The following SLIT3 variants were observed in gnomAD, a reference collection of about 807,000 sequenced individuals.
The protein encoded by SLIT3 is slit homolog 3 protein.
SLIT3 carries 68 observed loss-of-function variants against 184.0 expected under a neutral mutation model. That is an observed-to-expected ratio of 0.37 (90% CI 0.30 to 0.45). The LOEUF (loss-of-function observed/expected upper bound fraction) is 0.45, where lower values mean the gene tolerates loss of function less well. SLIT3 is among the 20% of genes least tolerant of loss of function. The pLI, the probability that SLIT3 is intolerant of heterozygous loss-of-function variation, is 1.00. For missense variants in SLIT3, 1,707 were observed against 2,026.0 expected, an observed-to-expected ratio of 0.84 and a Z score of 3.02; for synonymous variants, 831 against 828.6, an observed-to-expected ratio of 1.00 and a Z score of -0.05.
At chr5:168,893,750 A>G (rs1469185485) in intron 4 of SLIT3, among the ~76,000 whole-genome samples, 1 of 152,142 alleles carries the variant, frequency 6.6e-6, no homozygotes, top group Non-Finnish European at 1.5e-5. Context: ...GGGAACGTTT[A>G]TGAAATTGTT....
At chr5:168,884,566 A>ATATATATATATAT (rs1760113287) in intron 4 of SLIT3, among the ~76,000 whole-genome samples, 1 of 122,064 alleles carries the variant, frequency 8.2e-6, no homozygotes, top group Admixed American at 8.4e-5. Context: ...ATATATATAT[A>ATATATATATATAT]TATATATATA....
intron 32 of SLIT3, among the ~76,000 whole-genome samples, chr5:168,682,861 A>G (rs1188617681): frequency 6.6e-6 from 1 of 152,088 alleles, no homozygotes; most frequent in East Asian, 1.9e-4. Flanking sequence ...CTCTCCTTCT[A>G]CTGGTAGTTT....
intron 23 of SLIT3, among the ~76,000 whole-genome samples, chr5:168,715,602 A>G (rs1762698896): frequency 6.6e-6 from 1 of 152,244 alleles, no homozygotes; most frequent in Non-Finnish European, 1.5e-5. Flanking sequence ...TGTGTCTTAA[A>G]TAGAGAAAGA....
At chr5:168,954,269 C>T (rs948681151) in intron 4 of SLIT3, among the ~76,000 whole-genome samples, 11 of 151,976 alleles carry the variant, frequency 7.2e-5, no homozygotes, top group African/African-American at 1.9e-4. Flanking sequence ...GAGGGGAGCA[C>T]AGATAATGGA....
At chr5:169,130,867 G>T (rs1761271578) in intron 4 of SLIT3, among the ~76,000 whole-genome samples, 1 of 152,132 alleles carries the variant, frequency 6.6e-6, no homozygotes, top group Non-Finnish European at 1.5e-5. Flanking sequence ...AATGAAAAAT[G>T]CATGCTACAG....
At chr5:168,721,401 TAA>T (rs1223758839) in intron 23 of SLIT3, among the ~76,000 whole-genome samples, 1 of 152,238 alleles carries the variant, frequency 6.6e-6, no homozygotes, top group African/African-American at 2.4e-5. Context: ...AGAGCTGCAC[TAA>T]GTACTTCATA....
At chr5:169,271,737 G>C (rs1766624313) in intron 1 of SLIT3, among the ~76,000 whole-genome samples, 1 of 152,214 alleles carries the variant, frequency 6.6e-6, no homozygotes, top group Admixed American at 6.5e-5. Context: ...TCAAACTCCA[G>C]AGAAAAGCAC....
intron 4 of SLIT3, among the ~76,000 whole-genome samples, chr5:169,133,372 T>C (rs1408594272): frequency 6.6e-6 from 1 of 152,188 alleles, no homozygotes; most frequent in Non-Finnish European, 1.5e-5. Context: ...CACCTCCCCA[T>C]GAATGTAAAG....
chr5:168,761,035 G>C (rs78343871), intron 15 of SLIT3, 99 bp from the exon 16 acceptor site: 1 of 889,360 alleles, frequency 1.1e-6, no homozygotes, highest in Non-Finnish European at 1.9e-6. Context: ...CCTCACACTC[G>C]GTGAAGGACC....
chr5:169,151,693 C>T (rs1049200771), intron 4 of SLIT3, among the ~76,000 whole-genome samples: 1 of 152,244 alleles, frequency 6.6e-6, no homozygotes, highest in African/African-American at 2.4e-5. Flanking sequence ...TGAGAGCAAG[C>T]CAGAGAGCCC....
chr5:169,012,169 CTTTA>C (rs1756182851), intron 4 of SLIT3: 1 of 152,140 alleles, frequency 6.6e-6, no homozygotes, highest in Non-Finnish European at 1.5e-5. Context: ...GCCTAGAAGA[CTTTA>C]TTTTGTAATA....
At chr5:168,690,750 A>G (rs564355595) in intron 29 of SLIT3, among the ~76,000 whole-genome samples, 10 of 152,326 alleles carry the variant, frequency 6.6e-5, no homozygotes, top group African/African-American at 2.4e-4. Flanking sequence ...TGAGGTAGAT[A>G]GGAATGGGGT....
intron 12 of SLIT3, among the ~76,000 whole-genome samples, chr5:168,777,449 A>G (rs1755802833): frequency 6.6e-6 from 1 of 152,184 alleles, no homozygotes; most frequent in Admixed American, 6.5e-5. Flanking sequence ...CATAAAAACT[A>G]AATGCCACGC....
intron 12 of SLIT3, among the ~76,000 whole-genome samples, chr5:168,783,903 T>C (rs1183926314): frequency 1.3e-5 from 2 of 152,192 alleles, no homozygotes; most frequent in Admixed American, 6.5e-5. Flanking sequence ...CTCGATTCCA[T>C]CTGCTCAAAA....
At chr5:169,098,258 G>T (rs1169478932) in intron 4 of SLIT3, among the ~76,000 whole-genome samples, 1 of 152,164 alleles carries the variant, frequency 6.6e-6, no homozygotes. Context: ...TCTATAAAAA[G>T]AACGTCATCC....
At chr5:169,214,372 C>A (rs890142126) in intron 3 of SLIT3, among the ~76,000 whole-genome samples, 8 of 152,208 alleles carry the variant, frequency 5.3e-5, no homozygotes, top group African/African-American at 1.7e-4. Context: ...CCCACAAGGG[C>A]CTTAAAGGGG....
chr5:169,175,823 G>C (rs541007620), intron 4 of SLIT3, among the ~76,000 whole-genome samples: 12 of 152,192 alleles, frequency 7.9e-5, no homozygotes, highest in Non-Finnish European at 1.6e-4. Flanking sequence ...CTGGCCCCAG[G>C]CTACCCCAAA....
chr5:168,940,882 G>A (rs1055641713), intron 4 of SLIT3, among the ~76,000 whole-genome samples: 7 of 152,122 alleles, frequency 4.6e-5, no homozygotes, highest in African/African-American at 1.7e-4. Context: ...GTGTTTAAGT[G>A]AAGCTCTGGC....
At chr5:168,895,647 A>G (rs1218816396) in intron 4 of SLIT3, among the ~76,000 whole-genome samples, 1 of 152,220 alleles carries the variant, frequency 6.6e-6, no homozygotes, top group Non-Finnish European at 1.5e-5. Context: ...TGTTAATACT[A>G]TAGAATGACG....
Sources: allele counts gnomAD v4.1 joint callset (sites outside exome capture counted in the v4.1 genomes callset), GRCh38; gene constraint gnomAD v4.1.1; transcripts MANE v1.5; gene names NCBI Gene and HGNC (gene_info 2026-07-23, HGNC 2026-07-21).